The following DTNB variants were observed in gnomAD, a reference collection of about 807,000 sequenced individuals.
The protein encoded by DTNB is DTN-B.
A neutral mutation model predicts 90.7 loss-of-function variants in DTNB; 63 were observed. The ratio of observed to expected loss-of-function variants is 0.69; its 90% CI spans 0.57 to 0.86. The LOEUF is 0.86. Among genes scored for constraint, DTNB ranks in the 40% least tolerant of loss-of-function variants. DTNB has a pLI of 0.00. For missense variants in DTNB, 744 were observed against 807.1 expected (o/e 0.92, Z 0.95); for synonymous variants, 277 against 286.7 (o/e 0.97, Z 0.34).
chr2:25,597,750 C>T (rs1338187900), intron 5 of DTNB, among the ~76,000 whole-genome samples: 1 of 152,114 alleles, frequency 6.6e-6, no homozygotes, highest in Non-Finnish European at 1.5e-5. Context: ...ATATTAAGTT[C>T]CTATTATGTG....
At chr2:25,633,033 T>C (rs192227170) in intron 3 of DTNB, among the ~76,000 whole-genome samples, 38 of 152,326 alleles carry the variant, frequency 2.5e-4, no homozygotes, top group African/African-American at 8.7e-4. Flanking sequence ...CAAAACTATG[T>C]ACATAGAAAT....
At chr2:25,474,885 G>A (rs1422310114) in intron 10 of DTNB, among the ~76,000 whole-genome samples, 1 of 152,168 alleles carries the variant, frequency 6.6e-6, no homozygotes, top group East Asian at 1.9e-4. Context: ...GTCATCTTTG[G>A]TGTTACTATT....
chr2:25,492,648 G>A (rs150586369), intron 9 of DTNB, among the ~76,000 whole-genome samples: 254 of 152,278 alleles, frequency 1.7e-3, no homozygotes, highest in African/African-American at 5.6e-3. Flanking sequence ...AGAATCGCTT[G>A]CATCCAGGAA....
At chr2:25,533,229 G>C (rs985939280) in intron 8 of DTNB, among the ~76,000 whole-genome samples, 1 of 152,138 alleles carries the variant, frequency 6.6e-6, no homozygotes, top group Non-Finnish European at 1.5e-5. Context: ...GGGAAGCTGA[G>C]GTGGGAGGAT....
chr2:25,441,893 G>A (rs553314398), intron 12 of DTNB, among the ~76,000 whole-genome samples: 8 of 152,300 alleles, frequency 5.3e-5, no homozygotes, highest in Admixed American at 2.0e-4. Context: ...AGTTAGGATA[G>A]AGATGGTATT....
At chr2:25,619,645 T>C (rs2148638682) in intron 4 of DTNB, among the ~76,000 whole-genome samples, 1 of 152,310 alleles carries the variant, frequency 6.6e-6, no homozygotes, top group Non-Finnish European at 1.5e-5. Context: ...TTTACAACCT[T>C]ATGTAATTAA....
chr2:25,582,414 T>C (rs1437681088), intron 6 of DTNB, among the ~76,000 whole-genome samples: 1 of 152,002 alleles, frequency 6.6e-6, no homozygotes, highest in Non-Finnish European at 1.5e-5. Flanking sequence ...GTCATCTTAT[T>C]GAGAATAATA....
chr2:25,566,084 C>G (rs1433944169), intron 8 of DTNB, among the ~76,000 whole-genome samples: 5 of 152,112 alleles, frequency 3.3e-5, no homozygotes, highest in African/African-American at 1.2e-4. Flanking sequence ...CACATGAACC[C>G]CGTAAAAGCC....
At chr2:25,440,847 C>A (rs1392316572) in intron 12 of DTNB, among the ~76,000 whole-genome samples, 1 of 152,212 alleles carries the variant, frequency 6.6e-6, no homozygotes, top group African/African-American at 2.4e-5. Context: ...ATCACCCCTA[C>A]AGACGTCAGC....
At chr2:25,524,641 A>G (rs926503250) in intron 9 of DTNB, among the ~76,000 whole-genome samples, 1 of 152,058 alleles carries the variant, frequency 6.6e-6, no homozygotes, top group Non-Finnish European at 1.5e-5. Flanking sequence ...GGCAGGTGGT[A>G]TGTGTCATTT....
At chr2:25,663,512 T>C (rs1196853227) in intron 1 of DTNB, among the ~76,000 whole-genome samples, 1 of 152,202 alleles carries the variant, frequency 6.6e-6, no homozygotes, top group East Asian at 1.9e-4. Context: ...GGTTGAACAA[T>C]ATATTATTCT....
chr2:25,585,930 T>C (rs2062316182), intron 6 of DTNB, among the ~76,000 whole-genome samples: 1 of 152,184 alleles, frequency 6.6e-6, no homozygotes. Flanking sequence ...CAGATTTATT[T>C]TGGACTTTGA....
chr2:25,614,089 G>A (rs1053206059), intron 4 of DTNB, among the ~76,000 whole-genome samples: 12 of 152,122 alleles, frequency 7.9e-5, no homozygotes, highest in African/African-American at 2.7e-4. Flanking sequence ...AGAGAAAGGC[G>A]ATACGACCAT....
chr2:25,517,907 A>G (rs1157288481), intron 9 of DTNB, among the ~76,000 whole-genome samples: 1 of 152,256 alleles, frequency 6.6e-6, no homozygotes, highest in East Asian at 1.9e-4. Context: ...ACGCTGCAAC[A>G]CAGATACTGC....
chr2:25,445,721 T>G (rs1367410303), intron 12 of DTNB, among the ~76,000 whole-genome samples: 1 of 152,170 alleles, frequency 6.6e-6, no homozygotes, highest in African/African-American at 2.4e-5. Flanking sequence ...ATACACTTCA[T>G]TCTCTTTACC....
In DTNB at chr2:25,570,097, G is replaced by GAAA. The variant is rs58904320; in HGVS notation, c.876+6738_876+6740dup. 9.9e-3 allele frequency among the ~76,000 whole-genome samples: 1,233 copies of GAAA among 124,904 alleles called. 24 individuals are homozygous for GAAA. Among genetic ancestry groups the GAAA allele is most frequent in the African/African-American group, 0.035 (1,153 of 33,216 alleles). The allele number at this position is 124,904 out of a possible 152,430, so 81.9% of individuals were successfully genotyped here. ...AGGCAACAAAGCAAGACTGCATCTG[G>GAAA]AAAAAAAAAAAAAAAAAGGAAATGG... On this transcript the variant is annotated intron_variant, in intron 8 of 20. Coordinates refer to ENST00000406818, the MANE Select transcript of DTNB (RefSeq NM_021907.5).
chr2:25,623,215 T>A (rs1045346003), intron 4 of DTNB, among the ~76,000 whole-genome samples: 10 of 152,192 alleles, frequency 6.6e-5, no homozygotes, highest in Non-Finnish European at 1.3e-4. Flanking sequence ...GGGAAAGTTT[T>A]AAAAAATCTC....
At chr2:25,632,055 T>TGTG (rs1559314789) in intron 3 of DTNB, among the ~76,000 whole-genome samples, 1 of 151,614 alleles carries the variant, frequency 6.6e-6, no homozygotes, top group South Asian at 2.1e-4. Context: ...ATTAGCCAGG[T>TGTG]GTGGTGGCTC....
intron 5 of DTNB, among the ~76,000 whole-genome samples, chr2:25,606,370 T>A (rs1256218902): frequency 6.6e-6 from 1 of 152,202 alleles, no homozygotes; most frequent in African/African-American, 2.4e-5. Context: ...GTACTGAAAT[T>A]ACACGTGTGT....
Sources: gnomAD v4.1 joint callset for allele counts (sites outside exome capture counted in the v4.1 genomes callset) on GRCh38, gnomAD v4.1.1 for gene constraint, MANE v1.5 for transcripts, NCBI Gene and HGNC (gene_info 2026-07-23, HGNC 2026-07-21) for gene names.